The following TFB1M variants were observed in gnomAD, a reference collection of about 807,000 sequenced individuals.
TFB1M encodes the protein dimethyladenosine transferase 1, mitochondrial.
TFB1M carries 27 observed loss-of-function variants against 31.1 expected under a neutral mutation model. The observed-to-expected ratio is 0.87, with a 90% CI of 0.64 to 1.20. TFB1M has a LOEUF of 1.20. Ranked by LOEUF, TFB1M falls within the 50% of genes most tolerant of loss-of-function variation. TFB1M has a pLI of 0.00. For synonymous variants in TFB1M, 166 were observed against 151.8 expected (o/e 1.09, Z -0.69); for missense variants, 394 against 418.7 (o/e 0.94, Z 0.51).
chr6:155,244,586 G>C, the TFB1M span: 1 of 1,517,016 alleles, frequency 6.6e-7, no homozygotes, highest in Non-Finnish European at 8.9e-7. Flanking sequence ...TTTATTTGTG[G>C]GCCTAAGAGT....
downstream of TFB1M, chr6:155,254,616 T>C (rs1783886723): frequency 2.5e-6 from 4 of 1,598,252 alleles, no homozygotes; most frequent in South Asian, 1.1e-5. Context: ...CAAAATATTA[T>C]GAGCTTCTGA....
downstream of TFB1M, chr6:155,251,802 A>G (rs1783673554): frequency 1.5e-6 from 1 of 669,578 alleles, no homozygotes; most frequent in African/African-American, 1.8e-5. Context: ...GGGAAGTACC[A>G]TTTATTCACT....
intron 5 of TFB1M, among the ~76,000 whole-genome samples, chr6:155,277,452 T>C (rs1402679460): frequency 6.6e-6 from 1 of 152,244 alleles, no homozygotes; most frequent in Non-Finnish European, 1.5e-5. Flanking sequence ...TATTTGTTAA[T>C]TGAAGCTTAG....
At chr6:155,245,191 A>T in the TFB1M span, among the ~76,000 whole-genome samples, 1 of 152,186 alleles carries the variant, frequency 6.6e-6, no homozygotes, top group Non-Finnish European at 1.5e-5. Flanking sequence ...CCTCTCTTCT[A>T]TGAAGCACCA....
At chr6:155,302,273 T>C (rs1161442102) in intron 2 of TFB1M, among the ~76,000 whole-genome samples, 8 of 152,202 alleles carry the variant, frequency 5.3e-5, no homozygotes, top group Non-Finnish European at 8.8e-5. Context: ...ATTTGCCACA[T>C]AGTAGGGCCC....
At chr6:155,302,178 C>G (rs335351) in intron 2 of TFB1M, among the ~76,000 whole-genome samples, 109,849 of 152,076 alleles carry the variant, frequency 0.72, 40,367 homozygotes, top group East Asian at 1. Context: ...ACATTGAATA[C>G]CCATTTTGCA....
At chr6:155,269,325 T>TTTTC (rs386409044) in intron 5 of TFB1M, among the ~76,000 whole-genome samples, 15 of 19,756 alleles carry the variant, frequency 7.6e-4, no homozygotes, top group East Asian at 0.071. Context: ...TTTTCTTTTC[T>TTTTC]TTTTTTTTTT....
chr6:155,294,855 G>C (rs1046611921), intron 4 of TFB1M, among the ~76,000 whole-genome samples: 3 of 152,184 alleles, frequency 2.0e-5, no homozygotes, highest in African/African-American at 7.2e-5. Context: ...GTTTACAACA[G>C]TTTTGTTTGT....
intron 5 of TFB1M, among the ~76,000 whole-genome samples, chr6:155,268,984 A>G (rs1784795825): frequency 2.4e-5 from 2 of 82,950 alleles, no homozygotes; most frequent in Non-Finnish European, 4.5e-5. Context: ...AAATTAAAAA[A>G]TTAAAAAAAA....
intron 5 of TFB1M, among the ~76,000 whole-genome samples, chr6:155,262,909 T>C (rs1472738172): frequency 6.6e-6 from 1 of 152,260 alleles, no homozygotes; most frequent in Non-Finnish European, 1.5e-5. Flanking sequence ...ATGTAAACTA[T>C]AGCGTCGACT....
In TFB1M at chr6:155,307,136, T is replaced by TACATACAC. The variant is rs934986395; in HGVS notation, c.285+4051_285+4052insGTGTATGT. 7.8e-3 allele frequency among the ~76,000 whole-genome samples: 1,142 copies of TACATACAC among 147,336 alleles called. 21 individuals carry two copies. Among genetic ancestry groups the TACATACAC allele is most frequent in the African/African-American group, 0.028 (1,094 of 39,232 alleles). On this transcript the variant is annotated intron_variant, in intron 2 of 6. Coordinates refer to ENST00000367166, the MANE Select transcript of TFB1M (RefSeq NM_016020.4). ...AGAGTGAGACCATGTCTCAAACACA[T>TACATACAC]ACACACACACACACACACACACACA...
At chr6:155,246,296 C>T in the TFB1M span, among the ~76,000 whole-genome samples, 3 of 152,058 alleles carry the variant, frequency 2.0e-5, no homozygotes, top group African/African-American at 2.4e-5. Flanking sequence ...ACGGATGCAG[C>T]TCTGCCATTG....
intron 5 of TFB1M, among the ~76,000 whole-genome samples, chr6:155,265,743 ATAATATATAATATATATT>A (rs1376699374): frequency 1.4e-5 from 2 of 145,818 alleles, no homozygotes; most frequent in Non-Finnish European, 3.0e-5. Context: ...TATATTATAT[ATAATATATAATATATATT>A]TAATATATAA....
At chr6:155,306,631 T>G (rs1777777357) in intron 2 of TFB1M, among the ~76,000 whole-genome samples, 1 of 152,060 alleles carries the variant, frequency 6.6e-6, no homozygotes. Flanking sequence ...AAAAAAAAAG[T>G]ACATATTGTA....
intron 2 of TFB1M, chr6:155,303,515 T>G (rs1777527233): frequency 6.6e-6 from 1 of 152,262 alleles, no homozygotes; most frequent in South Asian, 2.1e-4. Context: ...TAAGCCACTT[T>G]TTGCTTACTT....
chr6:155,270,784 C>T (rs1322504163), intron 5 of TFB1M, among the ~76,000 whole-genome samples: 4 of 152,168 alleles, frequency 2.6e-5, no homozygotes, highest in Non-Finnish European at 4.4e-5. Context: ...CAAGCCAGGA[C>T]GCTGGAGGGC....
intron 4 of TFB1M, among the ~76,000 whole-genome samples, chr6:155,296,562 G>A (rs1398564802): frequency 6.6e-6 from 1 of 151,432 alleles, no homozygotes; most frequent in Non-Finnish European, 1.5e-5. Flanking sequence ...ACAGGCATGA[G>A]TCACCATGCC....
intron 5 of TFB1M, among the ~76,000 whole-genome samples, chr6:155,278,812 C>T (rs1432057481): frequency 6.6e-6 from 1 of 152,178 alleles, no homozygotes; most frequent in East Asian, 1.9e-4. Context: ...TTAAGAATGG[C>T]ATCTACCCTC....
chr6:155,311,068 G>T, intron 2 of TFB1M, 120 bp downstream of exon 2: 1 of 1,095,488 alleles, frequency 9.1e-7, no homozygotes, highest in Non-Finnish European at 1.4e-6. Flanking sequence ...ATGGGGCCTT[G>T]GGGATCTATA....
Sources: gnomAD v4.1 joint callset for allele counts (sites outside exome capture counted in the v4.1 genomes callset) on GRCh38, gnomAD v4.1.1 for gene constraint, MANE v1.5 for transcripts, NCBI Gene and HGNC (gene_info 2026-07-23, HGNC 2026-07-21) for gene names.